MBOAT1: variants seen among roughly 807,000 people sequenced by gnomAD.
MBOAT1 encodes membrane bound glycerophospholipid O-acyltransferase 1.
In MBOAT1, 67 loss-of-function variants were observed where a neutral mutation model predicts 64.4. The observed-to-expected ratio is 1.04, with a 90% CI of 0.85 to 1.27. The LOEUF (loss-of-function observed/expected upper bound fraction) is 1.27. MBOAT1 is among the 50% of genes most tolerant of loss of function. MBOAT1 has a pLI of 0.00. For missense variants in MBOAT1, 563 were observed against 604.6 expected (o/e 0.93, Z 0.72); for synonymous variants, 229 against 218.9 (o/e 1.05, Z -0.41).
At chr6:20,112,427 G>A (rs963140134) in intron 11 of MBOAT1, among the ~76,000 whole-genome samples, 2 of 152,110 alleles carry the variant, frequency 1.3e-5, no homozygotes, top group Admixed American at 6.5e-5. Context: ...TCCCGTGGCC[G>A]CTATTTCATT....
At chr6:20,161,389 A>G (rs937130058) in intron 1 of MBOAT1, among the ~76,000 whole-genome samples, 1 of 152,130 alleles carries the variant, frequency 6.6e-6, no homozygotes, top group African/African-American at 2.4e-5. Flanking sequence ...AATAAAGTGC[A>G]CAATAAATGT....
intron 1 of MBOAT1, among the ~76,000 whole-genome samples, chr6:20,167,261 T>C (rs1264127507): frequency 6.6e-6 from 1 of 152,216 alleles, no homozygotes; most frequent in Non-Finnish European, 1.5e-5. Flanking sequence ...CTGGTAAATA[T>C]ATGTCTATAA....
At chr6:20,206,453 C>G (rs960311864) in intron 1 of MBOAT1, among the ~76,000 whole-genome samples, 1 of 152,210 alleles carries the variant, frequency 6.6e-6, no homozygotes, top group Non-Finnish European at 1.5e-5. Context: ...GGATTACAGG[C>G]GTGAGCCACC....
At chr6:20,147,707 T>C (rs1353287568) in intron 3 of MBOAT1, among the ~76,000 whole-genome samples, 1 of 151,940 alleles carries the variant, frequency 6.6e-6, no homozygotes, top group Non-Finnish European at 1.5e-5. Context: ...TTTGTGGAAA[T>C]TCATCAAACT....
At chr6:20,124,738 TTCTTCC>T (rs1304872511) in intron 7 of MBOAT1, 138 bp from the exon 8 acceptor site, 1 of 705,074 alleles carries the variant, frequency 1.4e-6, no homozygotes, top group African/African-American at 1.8e-5. Context: ...ACAACAGGCA[TTCTTCC>T]TCATGAGACA....
intron 8 of MBOAT1, among the ~76,000 whole-genome samples, chr6:20,123,787 T>G (rs890810467): frequency 1.4e-4 from 21 of 152,302 alleles, no homozygotes; most frequent in East Asian, 5.8e-4. Flanking sequence ...CTGGGCGTGG[T>G]GGCTCACACC....
intron 11 of MBOAT1, among the ~76,000 whole-genome samples, chr6:20,110,078 T>C (rs1760088492): frequency 6.6e-6 from 1 of 151,550 alleles, no homozygotes; most frequent in African/African-American, 2.4e-5. Flanking sequence ...CCCTGCTAAT[T>C]TTTTGTATTT....
At chr6:20,136,813 G>A (rs1697401552) in intron 4 of MBOAT1, among the ~76,000 whole-genome samples, 1 of 152,178 alleles carries the variant, frequency 6.6e-6, no homozygotes. Flanking sequence ...ATATAAAAGA[G>A]TAGAATGAGT....
chr6:20,102,510 C>T (rs1171202780), intron 12 of MBOAT1, 98 bp from the exon 13 acceptor site: 31 of 1,032,992 alleles, frequency 3.0e-5, no homozygotes, highest in African/African-American at 2.9e-4. Flanking sequence ...GTGAGAGCAC[C>T]GCTTTTGGCA....
intron 1 of MBOAT1, among the ~76,000 whole-genome samples, chr6:20,162,908 C>G (rs1761903957): frequency 6.6e-6 from 1 of 152,182 alleles, no homozygotes; most frequent in Admixed American, 6.5e-5. Flanking sequence ...TGGGTACATC[C>G]TCCAGTCCCT....
Position 20,101,763 on chromosome 6 carries a change from T to C in MBOAT1, c.*523A>G, listed in dbSNP as rs114711913. Among the ~76,000 whole-genome samples, 848 of 152,156 alleles carry C rather than the reference T, an allele frequency of 5.6e-3. 10 individuals carry two copies. The highest frequency in any genetic ancestry group is 0.02 in the African/African-American group (813 of 41,498). On this transcript the variant is annotated 3_prime_UTR_variant, in exon 13 of 13. Coordinates refer to ENST00000324607, the MANE Select transcript of MBOAT1 (RefSeq NM_001080480.3). ...ATCGCCACACCACTCAAATGTCCTA[T>C]AAAATATCAAAACCAATAACCTGGA...
rs973290983 is a variant in MBOAT1, at chr6:20,100,481, A to T, written c.*1805T>A. Among the ~76,000 whole-genome samples the T allele has an allele frequency of 1.3e-5, 2 of 152,180 alleles. No individual in the cohort carries two copies. The highest frequency in any genetic ancestry group is 4.8e-5 in the African/African-American group (2 of 41,452). On this transcript the variant is annotated 3_prime_UTR_variant, in exon 13 of 13. Transcript: ENST00000324607. ...TCCTTGTTAAAGTGGGGTGAGACTC[A>T]TGCACTAGCTCACATCTACTACTTC... is the stretch of plus-strand genomic sequence containing the variant.
At chr6:20,111,293 C>G (rs1054181033) in intron 11 of MBOAT1, among the ~76,000 whole-genome samples, 3 of 152,130 alleles carry the variant, frequency 2.0e-5, no homozygotes, top group African/African-American at 7.2e-5. Flanking sequence ...GCATCAGTGC[C>G]CAAGGCTGCC....
intron 12 of MBOAT1, 91 bp downstream of exon 12, chr6:20,109,507 G>C: frequency 6.8e-7 from 1 of 1,481,378 alleles, no homozygotes; most frequent in Non-Finnish European, 9.2e-7. Context: ...AAGTGTTTAG[G>C]ACTGCTTCAT....
chr6:20,128,672 G>A (rs758867042), intron 6 of MBOAT1, 27 bp downstream of exon 6: 1 of 1,579,094 alleles, frequency 6.3e-7, no homozygotes, highest in Non-Finnish European at 8.6e-7. Context: ...CAAAGGGCTT[G>A]TTAATATATC....
At chr6:20,207,825 C>A (rs1009689228) in intron 1 of MBOAT1, among the ~76,000 whole-genome samples, 1 of 152,206 alleles carries the variant, frequency 6.6e-6, no homozygotes, top group Non-Finnish European at 1.5e-5. Context: ...TGTTCCACGA[C>A]GGCACCATCT....
chr6:20,154,447 C>T (rs1415506096), intron 1 of MBOAT1, among the ~76,000 whole-genome samples: 1 of 152,078 alleles, frequency 6.6e-6, no homozygotes, highest in Non-Finnish European at 1.5e-5. Context: ...GCAGGAGAAT[C>T]GCTTGAACTC....
At chr6:20,179,035 C>T (rs1009240305) in intron 1 of MBOAT1, among the ~76,000 whole-genome samples, 10 of 151,994 alleles carry the variant, frequency 6.6e-5, no homozygotes, top group Admixed American at 5.9e-4. Context: ...ACAGACCATC[C>T]TATCACCTAG....
intron 12 of MBOAT1, among the ~76,000 whole-genome samples, chr6:20,108,663 A>T (rs1384161126): frequency 6.6e-6 from 1 of 152,220 alleles, no homozygotes; most frequent in African/African-American, 2.4e-5. Flanking sequence ...GTAACTATTT[A>T]AAAAATGATA....
Sources: gnomAD v4.1 joint callset for allele counts (sites outside exome capture counted in the v4.1 genomes callset) on GRCh38, gnomAD v4.1.1 for gene constraint, MANE v1.5 for transcripts, NCBI Gene and HGNC (gene_info 2026-07-23, HGNC 2026-07-21) for gene names.